The following USP15 variants were observed in gnomAD, a reference collection of about 807,000 sequenced individuals.
USP15 encodes the protein ubiquitin specific peptidase 15.
In USP15, 18 loss-of-function variants were observed where a neutral mutation model predicts 127.1. The observed-to-expected ratio is 0.14, with a 90% CI of 0.10 to 0.21. The LOEUF (loss-of-function observed/expected upper bound fraction) is 0.21, where lower values mean the gene tolerates loss of function less well. USP15 is among the 10% of genes least tolerant of loss of function. The pLI, the probability that USP15 is intolerant of heterozygous loss-of-function variation, is 1.00. For synonymous variants in USP15, 364 were observed against 393.7 expected, an observed-to-expected ratio of 0.92 and a Z score of 0.89; for missense variants, 805 against 1,159.9, an observed-to-expected ratio of 0.69 and a Z score of 4.44.
chr12:62,335,972 T>C (rs771759560), intron 6 of USP15: 5 of 985,452 alleles, frequency 5.1e-6, no homozygotes, highest in Non-Finnish European at 6.0e-6. Context: ...TTGCCACATT[T>C]AGTTTTGCAA....
intron 1 of USP15, among the ~76,000 whole-genome samples, chr12:62,269,356 A>ATG (rs111793054): frequency 4.3e-4 from 64 of 150,284 alleles, no homozygotes; most frequent in African/African-American, 1.5e-3. Flanking sequence ...AAATATATAT[A>ATG]TGTGTGTGTG....
At chr12:62,350,003 G>C (rs148610123) in intron 7 of USP15, among the ~76,000 whole-genome samples, 37 of 151,852 alleles carry the variant, frequency 2.4e-4, no homozygotes, top group African/African-American at 8.7e-4. Context: ...CATTGATCTA[G>C]AGATGATTAT....
At chr12:62,347,563 C>T (rs1413490275) in intron 6 of USP15, among the ~76,000 whole-genome samples, 2 of 151,864 alleles carry the variant, frequency 1.3e-5, no homozygotes, top group East Asian at 1.9e-4. Context: ...TCAATTTAGA[C>T]GTTTTTTCCT....
intron 3 of USP15, among the ~76,000 whole-genome samples, chr12:62,305,158 G>A (rs772892652): frequency 3.5e-4 from 53 of 152,022 alleles, no homozygotes; most frequent in African/African-American, 1.0e-3. Flanking sequence ...ACCAAAGGAC[G>A]TAATAGCTGA....
intron 8 of USP15, among the ~76,000 whole-genome samples, chr12:62,376,087 G>A (rs2137544553): frequency 6.6e-6 from 1 of 151,844 alleles, no homozygotes; most frequent in African/African-American, 2.4e-5. Context: ...ATTATATCAT[G>A]GTTAGTGAGC....
rs1045840212 is a variant in USP15, at chr12:62,409,486, T to C, written c.*5111T>C. 2 of 152,178 alleles carry C rather than the reference T, an allele frequency of 1.3e-5. No homozygotes were observed. The allele number at this position is 152,178 out of a possible 1,614,324, so 9.4% of individuals were successfully genotyped here. A position where few individuals can be genotyped will look rare whatever the true frequency, so the allele number is the denominator to read the frequency against. ...ACTTTCAATATGCACAAAATATATTTTAAATGTTTAAGTTGTATTGGTAAT... is the reference window on the plus strand; with the variant it reads ...ACTTTCAATATGCACAAAATATATTCTAAATGTTTAAGTTGTATTGGTAAT... On this transcript the variant is annotated 3_prime_UTR_variant, in exon 22 of 22. Transcript: ENST00000280377.
chr12:62,304,677 A>G, intron 3 of USP15: 1 of 453,138 alleles, frequency 2.2e-6, no homozygotes, highest in Non-Finnish European at 4.4e-6. Flanking sequence ...TTATAGTGTC[A>G]ACACTCAAAG....
At position 62,391,210 on chromosome 12, in the gene USP15, C is replaced by G; in HGVS notation, c.2014C>G (p.Pro672Ala). ...DDESSQDQELPSENENSQSED... is the reference protein window; with the variant it reads ...DDESSQDQELASENENSQSED... ...TGAATCCAGCCAGGATCAAGAACTT[C>G]CCTCAGAGAATGAAAACAGTCAGTC... Residue 672 changes from proline (P) to alanine (A), a missense_variant, in exon 16 of 22, where the codon CCC becomes GCC. Around this residue, in one of 11 missense-constraint regions of USP15, gnomAD observed 225 missense variants for 239.5 expected, o/e 0.94. Coordinates refer to ENST00000280377, the MANE Select transcript of USP15 (RefSeq NM_001252078.2). The G allele has an allele frequency of 1.2e-6, 2 of 1,613,482 alleles. No homozygotes were observed. The highest frequency in any genetic ancestry group is 1.7e-6 in the Non-Finnish European group (2 of 1,179,718).
chr12:62,402,565 C>T (rs994215298), intron 21 of USP15, among the ~76,000 whole-genome samples: 8 of 151,860 alleles, frequency 5.3e-5, no homozygotes, highest in Admixed American at 2.6e-4. Context: ...GCAAAGAAAA[C>T]GGTATCTACA....
chr12:62,370,960 T>A (rs950181017), intron 8 of USP15, among the ~76,000 whole-genome samples: 1 of 152,214 alleles, frequency 6.6e-6, no homozygotes, highest in Non-Finnish European at 1.5e-5. Flanking sequence ...CTACTTCTTA[T>A]ATAGCACATA....
chr12:62,302,467 C>T (rs2064345805), intron 2 of USP15, among the ~76,000 whole-genome samples: 1 of 152,120 alleles, frequency 6.6e-6, no homozygotes, highest in Admixed American at 6.5e-5. Flanking sequence ...GTATGGCAGG[C>T]TTGTCCAACC....
At chr12:62,333,000 A>T (rs954809193) in intron 6 of USP15, among the ~76,000 whole-genome samples, 2 of 151,994 alleles carry the variant, frequency 1.3e-5, no homozygotes, top group Non-Finnish European at 2.9e-5. Flanking sequence ...TTCTGTTTTT[A>T]TTTTTTTTAC....
intron 1 of USP15, among the ~76,000 whole-genome samples, chr12:62,268,723 A>G (rs1047114806): frequency 6.6e-6 from 1 of 152,136 alleles, no homozygotes; most frequent in Non-Finnish European, 1.5e-5. Flanking sequence ...TTGCTTTTAA[A>G]ATATATATGT....
chr12:62,341,433 G>A (rs1465436669), intron 6 of USP15, among the ~76,000 whole-genome samples: 1 of 152,104 alleles, frequency 6.6e-6, no homozygotes, highest in East Asian at 1.9e-4. Context: ...GATGCTAGCT[G>A]GTTTTTTTGC....
intron 2 of USP15, 137 bp from the exon 3 acceptor site, chr12:62,302,653 C>A: frequency 2.4e-6 from 2 of 841,794 alleles, no homozygotes. Context: ...TTGGACACCC[C>A]TGATGTAAGG....
chr12:62,377,089 TA>T (rs537434601), intron 8 of USP15, among the ~76,000 whole-genome samples: 30 of 152,272 alleles, frequency 2.0e-4, no homozygotes, highest in African/African-American at 6.7e-4. Flanking sequence ...TGTATACATT[TA>T]GGGGGTACAT....
chr12:62,262,672 T>C (rs1268292375), intron 1 of USP15, among the ~76,000 whole-genome samples: 1 of 152,190 alleles, frequency 6.6e-6, no homozygotes, highest in African/African-American at 2.4e-5. Context: ...CGTGTGTGTG[T>C]GCGTGTATAG....
intron 6 of USP15, among the ~76,000 whole-genome samples, chr12:62,331,797 T>G (rs2065311741): frequency 6.6e-6 from 1 of 152,216 alleles, no homozygotes; most frequent in South Asian, 2.1e-4. Flanking sequence ...TATGTGTATA[T>G]GCTTTTAATC....
chr12:62,293,621 G>A (rs192425049), intron 1 of USP15, among the ~76,000 whole-genome samples: 36 of 152,228 alleles, frequency 2.4e-4, no homozygotes, highest in Admixed American at 9.8e-4. Flanking sequence ...CTTCCAAAGC[G>A]CTGGGATTAC....
Sources: allele counts gnomAD v4.1 joint callset (sites outside exome capture counted in the v4.1 genomes callset), GRCh38; gene constraint gnomAD v4.1.1; regional missense constraint gnomAD v4.1.1; transcripts MANE v1.5; gene names NCBI Gene and HGNC (gene_info 2026-07-23, HGNC 2026-07-21).